The following CARD10 variants were observed in gnomAD, a reference collection of about 807,000 sequenced individuals.
The protein encoded by CARD10 is caspase recruitment domain-containing protein 10.
In CARD10, 49 loss-of-function variants were observed where a neutral mutation model predicts 114.6. That is an observed-to-expected ratio of 0.43 (90% CI 0.34 to 0.54). The LOEUF (loss-of-function observed/expected upper bound fraction) is 0.54. Among genes scored for constraint, CARD10 ranks in the 20% least tolerant of loss-of-function variants. The pLI, the probability that CARD10 is intolerant of heterozygous loss-of-function variation, is 0.03. For synonymous variants in CARD10, 602 were observed against 593.2 expected, an observed-to-expected ratio of 1.01 and a Z score of -0.21; for missense variants, 1,206 against 1,397.2, an observed-to-expected ratio of 0.86 and a Z score of 2.18.
chr22:37,511,751 C>A (rs900650625), intron 3 of CARD10, among the ~76,000 whole-genome samples: 1 of 152,128 alleles, frequency 6.6e-6, no homozygotes, highest in Admixed American at 6.5e-5. Flanking sequence ...CACCTCAACA[C>A]ACTCTCAGAG....
In CARD10 at chr22:37,503,915, G is replaced by C. The variant is rs1923310261; in HGVS notation, c.1634+271C>G. On this transcript the variant is annotated intron_variant, in intron 9 of 19. Transcript: ENST00000251973. ...ACCATCAAGCTTCTCCTTGGGTATA[G>C]GATCTTCAAGGCTTGACCCCCAGTG... is the stretch of plus-strand genomic sequence containing the variant. The C allele has an allele frequency of 1.5e-5, 9 of 618,282 alleles. No homozygotes were observed. In the South Asian group the frequency reaches 1.5e-4, roughly 10 times the overall value. 38.3% of individuals were successfully genotyped at this position (618,282 alleles called of 1,614,324 possible).
Position 37,491,016 on chromosome 22 carries a change from C to T in CARD10, c.*143G>A. The stretch of plus-strand genomic sequence containing the variant: ...TAGGCTCGGCAGGGCCAGAGACAGC[C>T]TTGGGGGTGAGAGGCCAGAGCCAAG... On this transcript the variant is annotated 3_prime_UTR_variant, in exon 20 of 20. Coordinates refer to ENST00000251973, the MANE Select transcript of CARD10 (RefSeq NM_014550.4). 1 of 676,434 alleles carries T rather than the reference C, an allele frequency of 1.5e-6. No homozygotes were observed. The highest frequency in any genetic ancestry group is 2.5e-6 in the Non-Finnish European group (1 of 399,482). 41.9% of individuals were successfully genotyped at this position (676,434 alleles called of 1,614,324 possible).
In CARD10 at chr22:37,506,305, G is replaced by A. The variant is rs1447778516; in HGVS notation, c.1270C>T (p.Arg424Trp). ...TCATCCCGCTCCGCCTCCAGGCCCC[G>A]CACCTGCTTGCGGTACTGGTCCTTC... The part of the protein sequence containing the change: ...IEKDQYRKQV[R>W]GLEAERDELL... Residue 424 changes from arginine (R) to tryptophan (W), a missense_variant, in exon 7 of 20, where the codon CGG (arginine) becomes TGG (tryptophan). Physicochemically the swap from Arg to Trp is moderately radical, Grantham distance 101. Coordinates refer to ENST00000251973, the MANE Select transcript of CARD10 (RefSeq NM_014550.4). The A allele has an allele frequency of 1.1e-5, 18 of 1,610,458 alleles. No homozygotes were observed. The highest frequency in any genetic ancestry group is 3.3e-5 in the South Asian group (3 of 89,908).
rs1208457632 is a variant in CARD10 at position 37,511,520 on chromosome 22, AAAG to A, written c.700-1102_700-1100del. 4.2e-4 allele frequency among the ~76,000 whole-genome samples: 61 copies of A among 146,822 alleles called. 1 individual carries two copies. In the East Asian group the frequency reaches 0.012, roughly 29 times the overall value. On this transcript the variant is annotated intron_variant, in intron 3 of 19. Coordinates refer to ENST00000251973, the MANE Select transcript of CARD10 (RefSeq NM_014550.4). The stretch of plus-strand genomic sequence containing the variant: ...GAGGAGGAAAGAAGGAAGAAGGAAG[AAAG>A]AAGAAAGAAAGAAGGAGAAAAAAAA...
chr22:37,504,257 G>A lies in CARD10; in HGVS notation c.1563C>T (p.Ile521=), dbSNP rs774698002. ...DSEKEINRLS[I]LPFPPSAGSI... Reference sequence around the variant, plus strand: ...AGCCGGCACTGGGGGGGAAGGGCAGGATGGAGAGCCGATTGATCTCCTTTT... The same window carrying A: ...AGCCGGCACTGGGGGGGAAGGGCAGAATGGAGAGCCGATTGATCTCCTTTT... Residue 521 remains isoleucine (I), a synonymous_variant, in exon 9 of 20, where the codon ATC becomes ATT. Transcript: ENST00000251973. The A allele has an allele frequency of 1.3e-5, 21 of 1,579,402 alleles. No individual in the cohort carries two copies. Among genetic ancestry groups the A allele is most frequent in the East Asian group, 6.9e-5 (3 of 43,402 alleles).
At chr22:37,494,450 C>A in intron 15 of CARD10, 1 of 542,688 alleles carries the variant, frequency 1.8e-6, no homozygotes, top group Non-Finnish European at 3.3e-6. Context: ...GTGGAGGAGC[C>A]TTAGGTATAC....
chr22:37,497,348 T>C lies in CARD10; in HGVS notation c.1788-170A>G, dbSNP rs1923042444. 9.0e-6 allele frequency: 6 copies of C among 664,398 alleles called. No homozygotes were observed. In the South Asian group the frequency reaches 1.2e-4, roughly 13 times the overall value. 41.2% of individuals were successfully genotyped at this position (664,398 alleles called of 1,614,324 possible). On this transcript the variant is annotated intron_variant, in intron 11 of 19. Coordinates refer to ENST00000251973, the MANE Select transcript of CARD10 (RefSeq NM_014550.4). The stretch of plus-strand genomic sequence containing the variant: ...CTTGCCTTCTCCACCTGGGAAATGC[T>C]GATCATCCTTCAAATCTCAAGTCAC...
At chr22:37,511,175 G>C (rs1356734725) in intron 3 of CARD10, among the ~76,000 whole-genome samples, 1 of 151,284 alleles carries the variant, frequency 6.6e-6, no homozygotes, top group Non-Finnish European at 1.5e-5. Flanking sequence ...TTAACACAGT[G>C]AGACCTCGTC....
rs1312191483 is a variant in CARD10, at chr22:37,492,522, T to C, written c.2664A>G (p.Pro888=). ...AESLSGEELC[P]SSAPGAPKAQ... ...CCTTGGGGGCTCCAGGCGCTGAGGA[T>C]GGGCACAGTTCCTCCCCAGAGAGGC... The change falls in exon 18 of 20, where the codon CCA becomes CCG. Residue 888 remains proline, a synonymous_variant. Coordinates refer to ENST00000251973, the MANE Select transcript of CARD10 (RefSeq NM_014550.4). The surrounding 1 kb of genome is among the most constrained non-coding windows in gnomAD (Gnocchi z 5.7). 1.2e-6 allele frequency: 2 copies of C among 1,603,974 alleles called. No individual in the cohort carries two copies. Among genetic ancestry groups the C allele is most frequent in the African/African-American group, 2.7e-5 (2 of 74,858 alleles).
At chr22:37,512,466 CACACA>C (rs1314370791) in intron 3 of CARD10, among the ~76,000 whole-genome samples, 1 of 6,526 alleles carries the variant, frequency 1.5e-4, no homozygotes, top group African/African-American at 3.0e-3. Flanking sequence ...GCCCCCCCTC[CACACA>C]CACACACACA....
chr22:37,491,064 G>A lies in CARD10; in HGVS notation c.*95C>T, dbSNP rs371102573. The stretch of plus-strand genomic sequence containing the variant: ...AAGGGCCCTGCATCTGAGAGTCCAA[G>A]GGTCTAGGAAGGCTCAGGGTGGGAG... On this transcript the variant is annotated 3_prime_UTR_variant, in exon 20 of 20. Coordinates refer to ENST00000251973, the MANE Select transcript of CARD10 (RefSeq NM_014550.4). The A allele has an allele frequency of 6.3e-5, 62 of 990,862 alleles. No individual in the cohort carries two copies. In the Middle Eastern group the frequency reaches 8.6e-4, roughly 14 times the overall value. 61.4% of individuals were successfully genotyped at this position (990,862 alleles called of 1,614,324 possible). A position where few individuals can be genotyped will look rare whatever the true frequency, so the allele number is the denominator to read the frequency against.
chr22:37,516,747 T>G (rs11914225), intron 2 of CARD10, among the ~76,000 whole-genome samples: 1,765 of 152,334 alleles, frequency 0.012, 21 homozygotes, highest in African/African-American at 0.037. Context: ...CTACTAATAT[T>G]TGTTAACTTC....
intron 3 of CARD10, among the ~76,000 whole-genome samples, chr22:37,514,011 G>A (rs189129797): frequency 1.3e-5 from 2 of 151,748 alleles, no homozygotes; most frequent in Non-Finnish European, 2.9e-5. Context: ...GGCTGAGGCA[G>A]GAGAATCGCT....
Position 37,492,668 on chromosome 22 carries a change from G to A in CARD10, c.2611C>T (p.Leu871=). The A allele has an allele frequency of 6.2e-7, 1 of 1,613,018 alleles. No homozygotes were observed. Among genetic ancestry groups the A allele is most frequent in the Non-Finnish European group, 8.5e-7 (1 of 1,179,850 alleles). Residue 871 remains leucine, a synonymous_variant, in exon 17 of 20, where the codon CTG becomes TTG. Transcript: ENST00000251973. This position sits in a 1 kb window ranked among gnomAD's most constrained non-coding sequence, Gnocchi z 5.7. ...RNLLDLPSSR[L]DFQVCPAESL... ...CCCGCTGGGCACACTTGGAAGTCCA[G>A]CCGGGAGCTGGGCAGGTCTAGCAGG...
At chr22:37,510,673 T>C (rs796528914) in intron 3 of CARD10, 2 of 504,836 alleles carry the variant, frequency 4.0e-6, no homozygotes, top group South Asian at 3.3e-5. Flanking sequence ...TAAGAACTTG[T>C]GGGCGGACAT....
chr22:37,515,743 T>C (rs1185775188), intron 3 of CARD10, among the ~76,000 whole-genome samples: 2 of 152,100 alleles, frequency 1.3e-5, no homozygotes, highest in African/African-American at 4.8e-5. Flanking sequence ...CCACTAATTG[T>C]GACAACCAGA....
intron 11 of CARD10, 33 bp downstream of exon 11, chr22:37,502,569 C>A (rs1454627605): frequency 1.2e-6 from 2 of 1,608,270 alleles, no homozygotes; most frequent in South Asian, 1.1e-5. Context: ...AAGCAATCAC[C>A]CCAGCTCCAC....
At chr22:37,497,955 CAG>C (rs1923069252) in intron 11 of CARD10, among the ~76,000 whole-genome samples, 1 of 151,940 alleles carries the variant, frequency 6.6e-6, no homozygotes, top group Admixed American at 6.6e-5. Context: ...GCCGTGGAAG[CAG>C]AGAGAGGCTT....
At chr22:37,512,650 A>G (rs117092302) in intron 3 of CARD10, among the ~76,000 whole-genome samples, 304 of 152,202 alleles carry the variant, frequency 2.0e-3, no homozygotes, top group Non-Finnish European at 3.3e-3. Context: ...GTGAACAGCC[A>G]GAGAAAGACA....
Sources: allele counts gnomAD v4.1 joint callset (sites outside exome capture counted in the v4.1 genomes callset), GRCh38; gene constraint gnomAD v4.1.1; non-coding constraint Gnocchi (gnomAD v3.1); transcripts MANE v1.5; gene names NCBI Gene and HGNC (gene_info 2026-07-23, HGNC 2026-07-21).